GRIA2: variants seen among roughly 807,000 people sequenced by gnomAD.
GRIA2 encodes the protein glutamate receptor 2.
Under a neutral mutation model 97.3 loss-of-function variants are expected in GRIA2, and 14 were observed. That is an observed-to-expected ratio of 0.14 (90% CI 0.10 to 0.23). GRIA2 has a LOEUF of 0.23. GRIA2 is among the 10% of genes least tolerant of loss of function. GRIA2 has a pLI of 1.00. For synonymous variants in GRIA2, 412 were observed against 387.8 expected (o/e 1.06, Z -0.73); for missense variants, 558 against 1,069.8 (o/e 0.52, Z 6.67).
At chr4:157,333,409 T>C in intron 8 of GRIA2, 56 bp downstream of exon 8, 1 of 807,156 alleles carries the variant, frequency 1.2e-6, no homozygotes, top group African/African-American at 1.7e-5. Context: ...TTAGCTAGCC[T>C]ATGAGTTCAC....
intron 2 of GRIA2, among the ~76,000 whole-genome samples, chr4:157,283,058 C>T (rs1274585208): frequency 6.6e-6 from 1 of 152,008 alleles, no homozygotes; most frequent in Admixed American, 6.6e-5. Context: ...ATTGAAATAT[C>T]TACCTCTAGA....
intron 2 of GRIA2, among the ~76,000 whole-genome samples, chr4:157,274,937 G>T (rs72617495): frequency 0.7 from 103,315 of 147,622 alleles, 38,076 homozygotes; most frequent in East Asian, 0.83. Flanking sequence ...CCTGAGGAAT[G>T]GCCACATCGA....
chr4:157,346,779 G>T (rs985684015), intron 12 of GRIA2, among the ~76,000 whole-genome samples: 1 of 152,184 alleles, frequency 6.6e-6, no homozygotes, highest in Non-Finnish European at 1.5e-5. Context: ...TTGGGGGCTT[G>T]ATTATAGCAG....
At chr4:157,256,008 T>G (rs1731225007) in intron 2 of GRIA2, among the ~76,000 whole-genome samples, 1 of 150,794 alleles carries the variant, frequency 6.6e-6, no homozygotes, top group Non-Finnish European at 1.5e-5. Context: ...AATTTTATCA[T>G]GTTAAGTATA....
At chr4:157,264,010 A>C (rs1731661380) in intron 2 of GRIA2, among the ~76,000 whole-genome samples, 1 of 152,138 alleles carries the variant, frequency 6.6e-6, no homozygotes, top group Admixed American at 6.6e-5. Flanking sequence ...ATATTAATAA[A>C]GGAAGATAGA....
intron 2 of GRIA2, among the ~76,000 whole-genome samples, chr4:157,267,001 C>G (rs1257163968): frequency 6.6e-6 from 1 of 151,666 alleles, no homozygotes; most frequent in East Asian, 1.9e-4. Context: ...TCACTTGAGC[C>G]CAGGATTTCG....
intron 3 of GRIA2, among the ~76,000 whole-genome samples, chr4:157,308,488 G>A (rs903700204): frequency 2.4e-5 from 3 of 127,392 alleles, no homozygotes; most frequent in Admixed American, 2.2e-4. Flanking sequence ...TTTACCAGGA[G>A]GAATAATCTT....
intron 12 of GRIA2, among the ~76,000 whole-genome samples, chr4:157,347,151 G>C (rs1006603282): frequency 1.3e-5 from 2 of 152,122 alleles, no homozygotes; most frequent in African/African-American, 2.4e-5. Context: ...AAAATAAGGA[G>C]ATGTAGAAGA....
intron 2 of GRIA2, among the ~76,000 whole-genome samples, chr4:157,267,721 G>A (rs919613962): frequency 4.6e-5 from 7 of 152,044 alleles, no homozygotes; most frequent in African/African-American, 1.7e-4. Context: ...ACTGTCACTT[G>A]TAAGAATAGA....
At chr4:157,256,236 AT>A (rs1237404999) in intron 2 of GRIA2, among the ~76,000 whole-genome samples, 4 of 96,310 alleles carry the variant, frequency 4.2e-5, no homozygotes, top group Non-Finnish European at 8.0e-5. Context: ...AATATATAAT[AT>A]ATATATATAA....
chr4:157,349,897 T>C (rs890505870), intron 12 of GRIA2, among the ~76,000 whole-genome samples: 1 of 152,166 alleles, frequency 6.6e-6, no homozygotes, highest in Non-Finnish European at 1.5e-5. Flanking sequence ...TCCTTCTCTG[T>C]GGTAATCTCT....
intron 9 of GRIA2, chr4:157,334,329 C>G: frequency 2.1e-6 from 1 of 473,674 alleles, no homozygotes; most frequent in Non-Finnish European, 3.9e-6. Context: ...AGGAACGCTA[C>G]AGTTTACACA....
intron 2 of GRIA2, among the ~76,000 whole-genome samples, chr4:157,282,002 C>T (rs1373252497): frequency 1.3e-5 from 2 of 152,126 alleles, no homozygotes; most frequent in East Asian, 3.9e-4. Flanking sequence ...AAGTACATTT[C>T]CAATCTTCCA....
At chr4:157,301,535 T>TA (rs1312251768) in intron 2 of GRIA2, among the ~76,000 whole-genome samples, 1 of 152,214 alleles carries the variant, frequency 6.6e-6, no homozygotes, top group Non-Finnish European at 1.5e-5. Flanking sequence ...AAGGGCCACT[T>TA]AAAGAGGCAA....
chr4:157,232,801 G>A (rs1730081026), intron 2 of GRIA2, among the ~76,000 whole-genome samples: 1 of 152,098 alleles, frequency 6.6e-6, no homozygotes, highest in Non-Finnish European at 1.5e-5. Flanking sequence ...TGTAGCCTTG[G>A]TGTCTTGGGA....
chr4:157,256,413 T>C lies in GRIA2; in HGVS notation c.229+34606T>C, dbSNP rs9993600. ...AATAAGCATGTATTCATGGTAAACA[T>C]AATTAGATTCCAATCTTATCCTTAC... On this transcript the variant is annotated intron_variant, in intron 2 of 15. Coordinates refer to ENST00000264426, the MANE Select transcript of GRIA2 (RefSeq NM_001083619.3). 9.3e-3 allele frequency among the ~76,000 whole-genome samples: 1,393 copies of C among 150,096 alleles called. 27 individuals are homozygous for C. The highest frequency in any genetic ancestry group is 0.032 in the African/African-American group (1,318 of 40,954).
rs761788910 is a variant in GRIA2 at position 157,332,953 on chromosome 4, A to G, written c.1017A>G (p.Gly339=). 3 of 1,611,406 alleles carry G rather than the reference A, an allele frequency of 1.9e-6. No homozygotes were observed. The South Asian group carries it at 3.3e-5, about 18-fold the overall frequency. ...DCLANPAVPW[G]QGVEIERALK... ...TGGCAAACCCAGCAGTGCCCTGGGG[A>G]CAAGGTGTAGAAATAGAAAGGGCCC... The change falls in exon 7 of 16, where the codon GGA becomes GGG. Residue 339 remains glycine, a synonymous_variant. Coordinates refer to ENST00000264426, the MANE Select transcript of GRIA2 (RefSeq NM_001083619.3).
intron 2 of GRIA2, among the ~76,000 whole-genome samples, chr4:157,235,644 T>G (rs1730210166): frequency 6.6e-6 from 1 of 152,092 alleles, no homozygotes; most frequent in African/African-American, 2.4e-5. Flanking sequence ...ACTACTGCTG[T>G]TAACAAACTA....
At chr4:157,269,189 A>G (rs1221673094) in intron 2 of GRIA2, among the ~76,000 whole-genome samples, 5 of 152,032 alleles carry the variant, frequency 3.3e-5, no homozygotes, top group Non-Finnish European at 7.4e-5. Context: ...GGAAAAGAAG[A>G]TGAAAAAAAT....
Sources: gnomAD v4.1 joint callset for allele counts (sites outside exome capture counted in the v4.1 genomes callset) on GRCh38, gnomAD v4.1.1 for gene constraint, MANE v1.5 for transcripts, NCBI Gene and HGNC (gene_info 2026-07-23, HGNC 2026-07-21) for gene names.